SORCS2: variants seen among roughly 807,000 people sequenced by gnomAD.
The protein encoded by SORCS2 is sortilin related VPS10 domain containing receptor 2, also known as VPS10 domain-containing receptor SorCS2.
Under a neutral mutation model 141.6 loss-of-function variants are expected in SORCS2, and 100 were observed. The ratio of observed to expected loss-of-function variants is 0.71; its 90% confidence interval spans 0.60 to 0.83. The LOEUF (loss-of-function observed/expected upper bound fraction) is 0.83, where lower values mean the gene tolerates loss of function less well. Ranked by LOEUF, SORCS2 falls within the 40% of genes least tolerant of loss-of-function variation. The pLI is 0.00. For missense variants in SORCS2, 1,646 were observed against 1,560.2 expected (o/e 1.05, Z -0.93); for synonymous variants, 789 against 676.9 (o/e 1.17, Z -2.57).
chr4:7,365,182 A>G (rs1031051976), intron 1 of SORCS2, among the ~76,000 whole-genome samples: 3 of 152,210 alleles, frequency 2.0e-5, no homozygotes, highest in African/African-American at 4.8e-5. Flanking sequence ...GTGAGAGGCC[A>G]CGGAGGTGAG....
At chr4:7,735,501 A>C (rs1459385980) in intron 25 of SORCS2, 2 of 154,260 alleles carry the variant, frequency 1.3e-5, no homozygotes, top group African/African-American at 4.8e-5. Flanking sequence ...TTGTTACTCA[A>C]TTCCACCCAA....
intron 2 of SORCS2, among the ~76,000 whole-genome samples, chr4:7,471,723 G>A (rs1046423492): frequency 1.1e-4 from 17 of 152,218 alleles, no homozygotes; most frequent in African/African-American, 2.4e-4. Context: ...AGGGACCCTC[G>A]GTGCTGCTGG....
chr4:7,382,569 G>A (rs983425735), intron 1 of SORCS2, among the ~76,000 whole-genome samples: 1 of 152,170 alleles, frequency 6.6e-6, no homozygotes, highest in African/African-American at 2.4e-5. Context: ...ATCCTGAAAG[G>A]GGGTAGAAAA....
chr4:7,401,148 T>C (rs553106671), intron 2 of SORCS2, among the ~76,000 whole-genome samples: 1 of 151,938 alleles, frequency 6.6e-6, no homozygotes, highest in Non-Finnish European at 1.5e-5. Context: ...GATGGACTGA[T>C]AGATGGACAG....
rs779546010 is a variant in SORCS2 at position 7,414,130 on chromosome 4, C to T, written c.548+17775C>T. ...AGGATACGCTTGCTATTCTGTAAAT[C>T]CCATTAACGGATGCAGGCGCTGCTT... On this transcript the variant is annotated intron_variant, in intron 2 of 26. Transcript: ENST00000507866. Among the ~76,000 whole-genome samples, 6 of 152,318 alleles carry T rather than the reference C, an allele frequency of 3.9e-5. No homozygotes were observed. The South Asian group carries it at 8.3e-4, about 21-fold the overall frequency.
At chr4:7,473,717 C>T (rs6446603) in intron 2 of SORCS2, among the ~76,000 whole-genome samples, 20,856 of 151,740 alleles carry the variant, frequency 0.14, 1,950 homozygotes, top group South Asian at 0.24. Context: ...AGGAACTGCT[C>T]CTGGCTGGGA....
intron 1 of SORCS2, among the ~76,000 whole-genome samples, chr4:7,318,759 A>G (rs1718716412): frequency 1.3e-5 from 2 of 152,134 alleles, no homozygotes; most frequent in Admixed American, 1.3e-4. Context: ...CATACCAGAA[A>G]ATGTGCCGTT....
intron 2 of SORCS2, among the ~76,000 whole-genome samples, chr4:7,416,924 TCA>T (rs376162763): frequency 4.6e-5 from 7 of 151,738 alleles, no homozygotes; most frequent in African/African-American, 1.2e-4. Context: ...ACTGACACAT[TCA>T]CACACACGCA....
chr4:7,649,945 C>T (rs1353193842), intron 4 of SORCS2, among the ~76,000 whole-genome samples: 1 of 152,246 alleles, frequency 6.6e-6, no homozygotes, highest in East Asian at 1.9e-4. Context: ...TGTGGCGGCC[C>T]TCAGAGCCAG....
rs141991061 is a variant in SORCS2 at position 7,458,055 on chromosome 4, G to A, written c.548+61700G>A. ...AACAAAACTGCCCATTGACCTGGTT[G>A]AGTGGGTGCCCAACTCCCCTCAGGG... On this transcript the variant is annotated intron_variant, in intron 2 of 26. Transcript: ENST00000507866. 2.6e-5 allele frequency among the ~76,000 whole-genome samples: 4 copies of A among 152,346 alleles called. No individual in the cohort carries two copies. In the East Asian group the frequency reaches 7.7e-4, roughly 29 times the overall value.
intron 2 of SORCS2, among the ~76,000 whole-genome samples, chr4:7,483,254 C>T (rs1462873090): frequency 1.4e-5 from 2 of 144,934 alleles, no homozygotes; most frequent in Admixed American, 7.1e-5. Context: ...ACCCGGGAGA[C>T]GGAGGTTGAA....
At chr4:7,559,933 T>C (rs1577748948) in intron 3 of SORCS2, among the ~76,000 whole-genome samples, 1 of 152,208 alleles carries the variant, frequency 6.6e-6, no homozygotes, top group African/African-American at 2.4e-5. Flanking sequence ...GTTGAGACTT[T>C]ATTTCTCACT....
intron 8 of SORCS2, 119 bp from the exon 9 acceptor site, chr4:7,675,931 G>T (rs896404085): frequency 6.8e-6 from 8 of 1,170,362 alleles, no homozygotes; most frequent in Non-Finnish European, 9.7e-6. Context: ...CCTAGGCCAG[G>T]CTGGCTCCAG....
At chr4:7,384,105 T>G (rs1398853247) in intron 1 of SORCS2, among the ~76,000 whole-genome samples, 1 of 152,202 alleles carries the variant, frequency 6.6e-6, no homozygotes, top group Non-Finnish European at 1.5e-5. Flanking sequence ...TGAAGGGCCT[T>G]CTTCCTCCCA....
At chr4:7,524,945 G>T (rs745435320) in intron 2 of SORCS2, among the ~76,000 whole-genome samples, 5 of 152,148 alleles carry the variant, frequency 3.3e-5, no homozygotes, top group Non-Finnish European at 5.9e-5. Context: ...CCTGTCCCCC[G>T]AGCACCCCTG....
intron 3 of SORCS2, among the ~76,000 whole-genome samples, chr4:7,620,592 G>A (rs1405361867): frequency 6.6e-6 from 1 of 152,250 alleles, no homozygotes; most frequent in African/African-American, 2.4e-5. Context: ...AGCAGGATGT[G>A]CGGCAGCCAC....
At chr4:7,707,421 G>A (rs1021272366) in intron 14 of SORCS2, among the ~76,000 whole-genome samples, 4 of 152,202 alleles carry the variant, frequency 2.6e-5, no homozygotes, top group Non-Finnish European at 5.9e-5. Flanking sequence ...ACCAGGTTTC[G>A]GGAAACTGAG....
At chr4:7,693,927 A>T (rs985053527) in intron 11 of SORCS2, among the ~76,000 whole-genome samples, 22 of 152,160 alleles carry the variant, frequency 1.4e-4, no homozygotes, top group African/African-American at 4.8e-4. Flanking sequence ...AGTTCTGTGG[A>T]CACTCACCGG....
Position 7,218,302 on chromosome 4 carries a change from T to C in SORCS2, c.480+25176T>C, listed in dbSNP as rs549120014. Among the ~76,000 whole-genome samples the C allele has an allele frequency of 3.9e-4, 59 of 152,308 alleles. 1 individual carries two copies. The South Asian group carries it at 6.2e-3, about 16-fold the overall frequency. On this transcript the variant is annotated intron_variant, in intron 1 of 26. Transcript: ENST00000507866. ...CTGCGTAAATGGATTCTAATCGCCT[T>C]CTTCTCCTCGATCACTTCAAGAATG...
Sources: allele counts gnomAD v4.1 joint callset (sites outside exome capture counted in the v4.1 genomes callset), GRCh38; gene constraint gnomAD v4.1.1; transcripts MANE v1.5; gene names NCBI Gene and HGNC (gene_info 2026-07-23, HGNC 2026-07-21).